The following XKR9 variants were observed in gnomAD, a reference collection of about 807,000 sequenced individuals.
The protein encoded by XKR9 is XK related 9, also known as XK-related protein 9.
Under a neutral mutation model 32.0 loss-of-function variants are expected in XKR9, and 32 were observed. The ratio of observed to expected loss-of-function variants is 1.00; its 90% CI spans 0.76 to 1.34. The LOEUF (loss-of-function observed/expected upper bound fraction) is 1.34, where lower values mean the gene tolerates loss of function less well. XKR9 is among the 40% of genes most tolerant of loss of function. The probability of loss-of-function intolerance (pLI) is 0.00; values close to 1 mark genes in which losing one functional copy is unlikely to be tolerated. For missense variants in XKR9, 546 were observed against 429.7 expected, an observed-to-expected ratio of 1.27 and a Z score of -2.39; for synonymous variants, 168 against 143.4, an observed-to-expected ratio of 1.17 and a Z score of -1.22.
the XKR9 span, among the ~76,000 whole-genome samples, chr8:70,811,386 G>A: frequency 3.1e-3 from 476 of 152,162 alleles, 1 homozygote; most frequent in African/African-American, 0.011. Context: ...AAGAACTAGA[G>A]AAGCAAGAGC....
At chr8:70,692,826 C>T (rs374664594) in intron 3 of XKR9, among the ~76,000 whole-genome samples, 12 of 152,208 alleles carry the variant, frequency 7.9e-5, no homozygotes, top group South Asian at 2.1e-4. Flanking sequence ...GTGATCTGCC[C>T]GCCATAGCCT....
chr8:70,670,196 C>T (rs1485519513), intron 1 of XKR9, among the ~76,000 whole-genome samples: 1 of 152,146 alleles, frequency 6.6e-6, no homozygotes, highest in African/African-American at 2.4e-5. Flanking sequence ...TAACACTTGT[C>T]CCCCTCAGTG....
chr8:70,823,970 G>T, the XKR9 span, among the ~76,000 whole-genome samples: 1 of 152,154 alleles, frequency 6.6e-6, no homozygotes, highest in African/African-American at 2.4e-5. Flanking sequence ...TCTAGTTTTT[G>T]TAGTAAGAAT....
At chr8:71,008,584 G>A in the XKR9 span, among the ~76,000 whole-genome samples, 2 of 152,082 alleles carry the variant, frequency 1.3e-5, no homozygotes, top group Admixed American at 6.6e-5. Context: ...CTCTAAAGAT[G>A]GGGCATAGGA....
the XKR9 span, among the ~76,000 whole-genome samples, chr8:70,995,037 C>T: frequency 1.3e-5 from 2 of 152,082 alleles, no homozygotes; most frequent in Non-Finnish European, 2.9e-5. Context: ...TAACTTTTAT[C>T]CTTCCTAGTA....
At chr8:70,886,834 T>C in the XKR9 span, among the ~76,000 whole-genome samples, 41 of 152,274 alleles carry the variant, frequency 2.7e-4, 1 homozygote, top group East Asian at 7.3e-3. Flanking sequence ...ATTCTGTAGG[T>C]TGCTTGTTCA....
At chr8:70,678,735 T>C (rs1024216738) in intron 2 of XKR9, among the ~76,000 whole-genome samples, 1 of 152,196 alleles carries the variant, frequency 6.6e-6, no homozygotes, top group Non-Finnish European at 1.5e-5. Flanking sequence ...GGAGAAGCAG[T>C]GATCATAACT....
At chr8:70,879,068 C>A in the XKR9 span, among the ~76,000 whole-genome samples, 2 of 152,058 alleles carry the variant, frequency 1.3e-5, no homozygotes, top group Non-Finnish European at 2.9e-5. Flanking sequence ...TGGTAAATAA[C>A]AAAATGAAGG....
the XKR9 span, among the ~76,000 whole-genome samples, chr8:70,857,041 C>A: frequency 3.9e-5 from 6 of 152,104 alleles, no homozygotes; most frequent in East Asian, 1.2e-3. Flanking sequence ...AAAATTAATA[C>A]CCTAACATCA....
At chr8:70,786,295 G>A (rs1042144828) in intron 2 of XKR9, among the ~76,000 whole-genome samples, 23 of 152,170 alleles carry the variant, frequency 1.5e-4, no homozygotes, top group Admixed American at 5.9e-4. Flanking sequence ...GATCCATTTA[G>A]TCTAAAATAT....
At chr8:70,722,812 T>G (rs1320155953) in intron 4 of XKR9, among the ~76,000 whole-genome samples, 1 of 152,172 alleles carries the variant, frequency 6.6e-6, no homozygotes, top group Non-Finnish European at 1.5e-5. Flanking sequence ...AGGGGTATAC[T>G]CTGTATTTCC....
the XKR9 span, among the ~76,000 whole-genome samples, chr8:71,000,353 G>T: frequency 2.0e-5 from 3 of 152,206 alleles, no homozygotes; most frequent in Non-Finnish European, 4.4e-5. Context: ...GCAGGGTTAT[G>T]TAGTGAGCCA....
chr8:70,751,611 C>G (rs985190809), intron 2 of XKR9, among the ~76,000 whole-genome samples: 1 of 152,136 alleles, frequency 6.6e-6, no homozygotes, highest in Non-Finnish European at 1.5e-5. Flanking sequence ...ATTTGAGGGC[C>G]TGGATGGAAC....
the XKR9 span, among the ~76,000 whole-genome samples, chr8:71,017,094 C>T: frequency 6.6e-6 from 1 of 152,106 alleles, no homozygotes; most frequent in Non-Finnish European, 1.5e-5. Flanking sequence ...CAGCAAACTA[C>T]CAATGTAATA....
At chr8:70,873,149 T>C in the XKR9 span, among the ~76,000 whole-genome samples, 3 of 152,196 alleles carry the variant, frequency 2.0e-5, no homozygotes, top group African/African-American at 7.2e-5. Context: ...ACTGCTCAGA[T>C]AAAGATTCCT....
At chr8:70,847,723 G>C in the XKR9 span, among the ~76,000 whole-genome samples, 1 of 151,876 alleles carries the variant, frequency 6.6e-6, no homozygotes, top group Non-Finnish European at 1.5e-5. Flanking sequence ...AAACCTAGAG[G>C]AAATGGATAA....
intron 4 of XKR9, among the ~76,000 whole-genome samples, chr8:70,716,701 A>G (rs1806105442): frequency 6.6e-6 from 1 of 152,150 alleles, no homozygotes; most frequent in Admixed American, 6.5e-5. Context: ...GCCAAACCAT[A>G]TCATTCCTCT....
intron 2 of XKR9, among the ~76,000 whole-genome samples, chr8:70,757,120 A>C (rs2130197978): frequency 6.6e-6 from 1 of 151,352 alleles, no homozygotes; most frequent in South Asian, 2.1e-4. Flanking sequence ...TTTGTTTTTT[A>C]GCTTACTTAT....
chr8:70,864,755 G>A, the XKR9 span, among the ~76,000 whole-genome samples: 48,497 of 151,874 alleles, frequency 0.32, 9,100 homozygotes, highest in Non-Finnish European at 0.43. Flanking sequence ...TTATGGAACC[G>A]TTTGCTGTCT....
Sources: gnomAD v4.1 joint callset for allele counts (sites outside exome capture counted in the v4.1 genomes callset) on GRCh38, gnomAD v4.1.1 for gene constraint, MANE v1.5 for transcripts, NCBI Gene and HGNC (gene_info 2026-07-23, HGNC 2026-07-21) for gene names.